DAAM1: variants seen among roughly 807,000 people sequenced by gnomAD.
DAAM1 encodes the protein disheveled-associated activator of morphogenesis 1.
A neutral mutation model predicts 130.0 loss-of-function variants in DAAM1; 52 were observed. The ratio of observed to expected loss-of-function variants is 0.40; its 90% CI spans 0.32 to 0.50. The LOEUF is 0.50. Ranked by LOEUF, DAAM1 falls within the 20% of genes least tolerant of loss-of-function variation. DAAM1 has a pLI of 0.61. For missense variants in DAAM1, 1,134 were observed against 1,303.8 expected (o/e 0.87, Z 2.01); for synonymous variants, 452 against 444.5 (o/e 1.02, Z -0.21).
At chr14:59,315,737 A>G (rs566013276) in intron 4 of DAAM1, among the ~76,000 whole-genome samples, 97 of 152,276 alleles carry the variant, frequency 6.4e-4, no homozygotes, top group Non-Finnish European at 1.1e-3. Flanking sequence ...CGATTTCTTT[A>G]CTATATCCCT....
intron 1 of DAAM1, among the ~76,000 whole-genome samples, chr14:59,245,197 G>A (rs1881314545): frequency 6.6e-6 from 1 of 152,020 alleles, no homozygotes; most frequent in Non-Finnish European, 1.5e-5. Flanking sequence ...GTTATTTTGG[G>A]GTCTCTTTTG....
chr14:59,213,860 T>C (rs1888500421), intron 1 of DAAM1, among the ~76,000 whole-genome samples: 1 of 152,210 alleles, frequency 6.6e-6, no homozygotes, highest in Non-Finnish European at 1.5e-5. Flanking sequence ...TGACATACTT[T>C]GCCTTGTCCT....
At chr14:59,237,092 C>A (rs183104262) in intron 1 of DAAM1, among the ~76,000 whole-genome samples, 8 of 152,264 alleles carry the variant, frequency 5.3e-5, no homozygotes, top group Admixed American at 3.9e-4. Flanking sequence ...AATTTGCACA[C>A]CCCTAGCATA....
At chr14:59,203,055 G>C (rs556327266) in intron 1 of DAAM1, among the ~76,000 whole-genome samples, 1 of 149,808 alleles carries the variant, frequency 6.7e-6, no homozygotes, top group Non-Finnish European at 1.5e-5. Flanking sequence ...GCAGTGATTC[G>C]ATCTCCACTC....
intron 1 of DAAM1, among the ~76,000 whole-genome samples, chr14:59,224,753 C>G (rs906664940): frequency 3.9e-5 from 6 of 152,178 alleles, no homozygotes; most frequent in Admixed American, 6.5e-5. Context: ...TTTGTTTTCC[C>G]AAATCTGTAT....
chr14:59,195,871 A>AT (rs1457268848), intron 1 of DAAM1, among the ~76,000 whole-genome samples: 3 of 148,662 alleles, frequency 2.0e-5, no homozygotes, highest in Non-Finnish European at 3.0e-5. Context: ...TTCTAGTCAG[A>AT]TTTTTTCTGT....
intron 20 of DAAM1, among the ~76,000 whole-genome samples, chr14:59,357,856 T>A (rs1445205967): frequency 6.6e-6 from 1 of 152,142 alleles, no homozygotes; most frequent in Non-Finnish European, 1.5e-5. Flanking sequence ...TTGGCCACTG[T>A]TTTGCTTTGG....
intron 1 of DAAM1, among the ~76,000 whole-genome samples, chr14:59,252,204 G>A (rs951315164): frequency 6.6e-6 from 1 of 152,188 alleles, no homozygotes; most frequent in African/African-American, 2.4e-5. Context: ...TATCTTGAGG[G>A]TTTGCAGTAG....
At chr14:59,264,122 T>C (rs567935791) in intron 2 of DAAM1, 1 of 205,096 alleles carries the variant, frequency 4.9e-6, no homozygotes, top group Non-Finnish European at 1.0e-5. Context: ...ATTGATCCTT[T>C]GGTGAAAGAC....
chr14:59,336,226 TTA>T (rs1885621194), intron 15 of DAAM1, among the ~76,000 whole-genome samples: 1 of 152,188 alleles, frequency 6.6e-6, no homozygotes, highest in African/African-American at 2.4e-5. Flanking sequence ...TGTTGAGTCA[TTA>T]TCCCATTGTG....
intron 24 of DAAM1, 70 bp downstream of exon 24, chr14:59,367,669 T>C: frequency 6.5e-7 from 1 of 1,529,542 alleles, no homozygotes; most frequent in Non-Finnish European, 8.8e-7. Flanking sequence ...TCAAAGGTAT[T>C]TAGAGAGCAC....
chr14:59,251,159 A>T (rs1270254254), intron 1 of DAAM1, among the ~76,000 whole-genome samples: 1 of 152,198 alleles, frequency 6.6e-6, no homozygotes, highest in African/African-American at 2.4e-5. Context: ...TCTCTATTAC[A>T]AGTTAGGAAA....
chr14:59,347,814 G>T (rs1886140789), intron 17 of DAAM1, among the ~76,000 whole-genome samples, 191 bp downstream of exon 17: 1 of 152,186 alleles, frequency 6.6e-6, no homozygotes, highest in African/African-American at 2.4e-5. Flanking sequence ...CCAAACTGAT[G>T]GGTGAGAAAG....
Position 59,284,217 on chromosome 14 carries a change from TAGGACATA to T in DAAM1, c.184-6997_184-6990del, listed in dbSNP as rs1181412189. ...TAGCCAGAAGCCAAGGAGAGGTTAT[TAGGACATA>T]AGTGTTCGTGGTTTCAGTGAGAATG... On this transcript the variant is annotated intron_variant, in intron 2 of 24. Coordinates refer to ENST00000360909, the MANE Select transcript of DAAM1 (RefSeq NM_001270520.2). Among the ~76,000 whole-genome samples, 4 of 152,220 alleles carry T rather than the reference TAGGACATA, an allele frequency of 2.6e-5. No individual in the cohort carries two copies. The East Asian group carries it at 7.7e-4, about 29-fold the overall frequency.
intron 12 of DAAM1, 35 bp downstream of exon 12, chr14:59,327,026 T>C: frequency 6.2e-7 from 1 of 1,611,558 alleles, no homozygotes; most frequent in Non-Finnish European, 8.5e-7. Context: ...GGCTGTGTTA[T>C]TGGTTATTGG....
intron 21 of DAAM1, 164 bp from the exon 22 acceptor site, chr14:59,360,638 G>C (rs1886670398): frequency 4.2e-6 from 2 of 476,572 alleles, no homozygotes; most frequent in Non-Finnish European, 7.1e-6. Context: ...CATTTCATGA[G>C]TTTAAAATAC....
At chr14:59,258,461 G>A (rs765697447) in intron 1 of DAAM1, among the ~76,000 whole-genome samples, 37 of 152,226 alleles carry the variant, frequency 2.4e-4, no homozygotes, top group Non-Finnish European at 4.3e-4. Flanking sequence ...AAATGGGGGT[G>A]ATGAAATGAA....
intron 2 of DAAM1, among the ~76,000 whole-genome samples, chr14:59,271,256 A>G (rs1451961356): frequency 6.6e-6 from 1 of 152,204 alleles, no homozygotes; most frequent in Non-Finnish European, 1.5e-5. Context: ...TGTGAAATTC[A>G]TCACTGGTCA....
chr14:59,311,047 G>A (rs1884574264), intron 3 of DAAM1, among the ~76,000 whole-genome samples: 1 of 152,024 alleles, frequency 6.6e-6, no homozygotes, highest in Non-Finnish European at 1.5e-5. Context: ...AAAGTGTCCT[G>A]TGCTAACTTC....
Sources: gnomAD v4.1 joint callset for allele counts (sites outside exome capture counted in the v4.1 genomes callset) on GRCh38, gnomAD v4.1.1 for gene constraint, MANE v1.5 for transcripts, NCBI Gene and HGNC (gene_info 2026-07-23, HGNC 2026-07-21) for gene names.